The following N4BP2L2 variants were observed in gnomAD, a reference collection of about 807,000 sequenced individuals.
N4BP2L2 encodes the protein NEDD4 binding protein 2 like 2, also known as NEDD4-binding protein 2-like 2.
N4BP2L2 carries 50 observed loss-of-function variants against 56.2 expected under a neutral mutation model. That is an observed-to-expected ratio of 0.89 (90% confidence interval 0.71 to 1.13). The LOEUF (loss-of-function observed/expected upper bound fraction) is 1.13, where lower values mean the gene tolerates loss of function less well. N4BP2L2 is among the 50% of genes most tolerant of loss of function. N4BP2L2 has a pLI of 0.00. For missense variants in N4BP2L2, 689 were observed against 693.8 expected, an observed-to-expected ratio of 0.99 and a Z score of 0.08; for synonymous variants, 203 against 223.6, an observed-to-expected ratio of 0.91 and a Z score of 0.82.
At chr13:32,524,642 T>C (rs999994535) in intron 3 of N4BP2L2, 1 of 152,232 alleles carries the variant, frequency 6.6e-6, no homozygotes, top group African/African-American at 2.4e-5. Flanking sequence ...CATTTAAATA[T>C]ATTCAAGTTC....
In N4BP2L2 at chr13:32,538,613, C is replaced by G. The variant is rs1298032817; in HGVS notation, c.-1+5G>C. On this transcript the variant is annotated splice_donor_5th_base_variant and intron_variant, in intron 1 of 5. Transcript: ENST00000267068. ...ACCCTCACCTAAAACGGGGTGTCTA[C>G]TCACCTTACTCTACCCCTACGCATT... 1.0e-6 allele frequency: 1 copy of G among 985,310 alleles called. No individual in the cohort carries two copies. Among genetic ancestry groups the G allele is most frequent in the Admixed American group, 6.2e-5 (1 of 16,252 alleles). The allele number at this position is 985,310 out of a possible 1,614,324, so 61.0% of individuals were successfully genotyped here.
chr13:32,494,307 T>C (rs895548527), intron 6 of N4BP2L2, among the ~76,000 whole-genome samples: 7 of 151,808 alleles, frequency 4.6e-5, no homozygotes, highest in South Asian at 2.1e-4. Flanking sequence ...AAAAATAAAA[T>C]GTGAGATTTG....
intron 6 of N4BP2L2, among the ~76,000 whole-genome samples, chr13:32,486,433 T>C (rs9595624): frequency 0.27 from 41,552 of 151,892 alleles, 6,863 homozygotes; most frequent in Non-Finnish European, 0.37. Context: ...CCCAGCACTT[T>C]AGGAGGGTGA....
At chr13:32,521,473 C>G in intron 4 of N4BP2L2, 24 bp from the exon 5 acceptor site, 1 of 1,532,928 alleles carries the variant, frequency 6.5e-7, no homozygotes, top group Non-Finnish European at 8.9e-7. Context: ...AGGAAGAAAA[C>G]AAAAACCCAG....
At chr13:32,470,777 T>C (rs2082149955) in intron 6 of N4BP2L2, among the ~76,000 whole-genome samples, 1 of 152,168 alleles carries the variant, frequency 6.6e-6, no homozygotes, top group African/African-American at 2.4e-5. Context: ...GTATGCTGAG[T>C]ACAAGTACCT....
At chr13:32,538,630 C>G in exon 1 of N4BP2L2, 1 of 985,518 alleles carries the variant, frequency 1.0e-6, no homozygotes, top group Non-Finnish European at 1.2e-6. Flanking sequence ...TACTCTACCC[C>G]TACGCATTGA....
At chr13:32,477,844 A>T (rs1271596766) in intron 6 of N4BP2L2, 1 of 1,285,452 alleles carries the variant, frequency 7.8e-7, no homozygotes, top group Non-Finnish European at 1.0e-6. Flanking sequence ...AGTTGTTTGC[A>T]CTGGATTTGA....
At position 32,495,495 on chromosome 13, in the gene N4BP2L2, C is replaced by T. The variant is rs115500844; in HGVS notation, c.365+22362G>A. The stretch of plus-strand genomic sequence containing the variant: ...CTTCTAGATACTCCCAAGGACTAGG[C>T]TGTGCATTTCTTACCTTTCCCACCC... On this transcript the variant is annotated intron_variant, in intron 6 of 9. Coordinates refer to the N4BP2L2 transcript ENST00000357505. Among the ~76,000 whole-genome samples, 1,156 of 152,290 alleles carry T rather than the reference C, an allele frequency of 7.6e-3. 15 individuals carry two copies. Among genetic ancestry groups the T allele is most frequent in the African/African-American group, 0.027 (1,111 of 41,562 alleles).
chr13:32,496,760 C>T (rs942397782), intron 6 of N4BP2L2, among the ~76,000 whole-genome samples: 2 of 152,224 alleles, frequency 1.3e-5, no homozygotes, highest in Non-Finnish European at 2.9e-5. Flanking sequence ...CCAGCAGGCA[C>T]TGGTCCCACT....
In N4BP2L2 at chr13:32,537,637, A is replaced by G. The variant is rs557905428; in HGVS notation, c.1-610T>C. On this transcript the variant is annotated intron_variant, in intron 1 of 5. Coordinates refer to ENST00000267068, the Ensembl canonical transcript of N4BP2L2. ...GCATAAAAGAGGTTCCTAAATGGGT[A>G]TAGTGTGTTCATTTAAAAGGGGGGA... Among the ~76,000 whole-genome samples the G allele has an allele frequency of 3.3e-5, 5 of 152,302 alleles. No homozygotes were observed. The South Asian group carries it at 1.0e-3, about 32-fold the overall frequency.
At chr13:32,536,314 G>A (rs200502235) in exon 2 of N4BP2L2, 1 of 1,613,856 alleles carries the variant, frequency 6.2e-7, no homozygotes, top group Middle Eastern at 1.6e-4. Flanking sequence ...CATTCCCCAA[G>A]TTCTGCTGAT....
chr13:32,517,065 A>G, exon 6 of N4BP2L2: 1 of 973,276 alleles, frequency 1.0e-6, no homozygotes, highest in Non-Finnish European at 1.2e-6. Flanking sequence ...CTAGAATTAT[A>G]TCACATTAAA....
intron 3 of N4BP2L2, among the ~76,000 whole-genome samples, chr13:32,526,207 T>C (rs1464011926): frequency 6.6e-6 from 1 of 152,154 alleles, no homozygotes; most frequent in Non-Finnish European, 1.5e-5. Context: ...AACAAGTTAA[T>C]GGTATGAGAG....
chr13:32,511,896 C>T (rs1004346621), exon 6 of N4BP2L2: 8 of 152,096 alleles, frequency 5.3e-5, no homozygotes, highest in Admixed American at 3.9e-4. Flanking sequence ...CAATCCCTTC[C>T]TGAGTAAATT....
intron 6 of N4BP2L2, among the ~76,000 whole-genome samples, chr13:32,468,317 T>C (rs528027754): frequency 2.0e-5 from 3 of 149,512 alleles, no homozygotes; most frequent in African/African-American, 7.3e-5. Flanking sequence ...AAAAGAGGAA[T>C]ATTTTATAAG....
chr13:32,458,150 C>T (rs986290474), intron 6 of N4BP2L2, among the ~76,000 whole-genome samples: 2 of 152,118 alleles, frequency 1.3e-5, no homozygotes, highest in African/African-American at 4.8e-5. Flanking sequence ...CTGTCAGCTC[C>T]GTCTCCCAGG....
chr13:32,459,841 A>T (rs2079685518), intron 6 of N4BP2L2, among the ~76,000 whole-genome samples: 2 of 152,188 alleles, frequency 1.3e-5, no homozygotes, highest in African/African-American at 4.8e-5. Context: ...AAATCAGACA[A>T]GGACACAGCA....
intron 6 of N4BP2L2, among the ~76,000 whole-genome samples, chr13:32,450,386 G>A (rs1055020142): frequency 2.1e-4 from 32 of 150,776 alleles, no homozygotes; most frequent in East Asian, 9.7e-4. Context: ...GTGCAGTGGC[G>A]CGATCTTGGC....
chr13:32,501,301 T>C (rs1028084461), intron 6 of N4BP2L2, among the ~76,000 whole-genome samples: 1 of 152,072 alleles, frequency 6.6e-6, no homozygotes, highest in Non-Finnish European at 1.5e-5. Flanking sequence ...TAGGCTGATA[T>C]CACACTGTCA....
Sources: allele counts gnomAD v4.1 joint callset (sites outside exome capture counted in the v4.1 genomes callset), GRCh38; gene constraint gnomAD v4.1.1; transcripts MANE v1.5; gene names NCBI Gene and HGNC (gene_info 2026-07-23, HGNC 2026-07-21).